NEMP2: variants seen among roughly 807,000 people sequenced by gnomAD.
The protein encoded by NEMP2 is nuclear envelope integral membrane protein 2.
Under a neutral mutation model 54.2 loss-of-function variants are expected in NEMP2, and 53 were observed. The ratio of observed to expected loss-of-function variants is 0.98; its 90% confidence interval spans 0.78 to 1.23. NEMP2 has a LOEUF of 1.23. Ranked by LOEUF, NEMP2 falls within the 50% of genes most tolerant of loss-of-function variation. The pLI is 0.00. For synonymous variants in NEMP2, 197 were observed against 190.3 expected (o/e 1.04, Z -0.29); for missense variants, 455 against 511.3 (o/e 0.89, Z 1.06).
the NEMP2 span, among the ~76,000 whole-genome samples, chr2:190,613,303 G>C: frequency 6.6e-6 from 1 of 152,090 alleles, no homozygotes; most frequent in Non-Finnish European, 1.5e-5. Flanking sequence ...AATTCAAGAT[G>C]TAGCTATCTT....
the NEMP2 span, among the ~76,000 whole-genome samples, chr2:190,478,768 T>A: frequency 9.9e-5 from 15 of 152,150 alleles, no homozygotes; most frequent in African/African-American, 3.6e-4. Flanking sequence ...ATTGGGCATC[T>A]TGACTCTGAA....
the NEMP2 span, among the ~76,000 whole-genome samples, chr2:190,457,435 T>C: frequency 1.3e-5 from 2 of 152,216 alleles, no homozygotes; most frequent in Admixed American, 1.3e-4. The surrounding 1 kb of genome is among the most constrained non-coding windows in gnomAD (Gnocchi z 5.1). Context: ...ACTCAGACTT[T>C]GCGTGTTTTT....
chr2:190,572,832 A>C, the NEMP2 span, among the ~76,000 whole-genome samples: 5 of 14,980 alleles, frequency 3.3e-4, no homozygotes, highest in Non-Finnish European at 6.6e-4. Context: ...TCTTTTCATG[A>C]GTATATATAT....
At chr2:190,557,472 G>A in the NEMP2 span, among the ~76,000 whole-genome samples, 107,311 of 152,040 alleles carry the variant, frequency 0.71, 39,079 homozygotes, top group Admixed American at 0.79. Flanking sequence ...AAAATTGAAA[G>A]TGGGATTAAT....
At chr2:190,630,788 GT>G in the NEMP2 span, among the ~76,000 whole-genome samples, 11 of 151,936 alleles carry the variant, frequency 7.2e-5, no homozygotes, top group African/African-American at 2.7e-4. This position sits in a 1 kb window ranked among gnomAD's most constrained non-coding sequence, Gnocchi z 5.5. Context: ...TTTTAATTCC[GT>G]TTTTTCATGA....
the NEMP2 span, among the ~76,000 whole-genome samples, chr2:190,442,383 G>A: frequency 6.6e-6 from 1 of 152,188 alleles, no homozygotes; most frequent in Non-Finnish European, 1.5e-5. Flanking sequence ...ATGGATGCTG[G>A]GATCAGTAAC....
chr2:190,524,607 C>T (rs1690867092), intron 2 of NEMP2, among the ~76,000 whole-genome samples: 1 of 152,154 alleles, frequency 6.6e-6, no homozygotes, highest in African/African-American at 2.4e-5. Context: ...GAGAACTACC[C>T]TGGCCAATTT....
chr2:190,633,424 T>C, the NEMP2 span, among the ~76,000 whole-genome samples: 1 of 151,506 alleles, frequency 6.6e-6, no homozygotes, highest in Non-Finnish European at 1.5e-5. Context: ...AGTGATTCTC[T>C]CGCCTCAGCC....
the NEMP2 span, among the ~76,000 whole-genome samples, chr2:190,429,348 T>C: frequency 4.0e-5 from 6 of 151,340 alleles, no homozygotes; most frequent in Admixed American, 6.6e-5. Flanking sequence ...TTTTTTGAGA[T>C]GGAGTCTCAC....
chr2:190,561,729 T>C, the NEMP2 span, among the ~76,000 whole-genome samples: 1 of 152,188 alleles, frequency 6.6e-6, no homozygotes, highest in African/African-American at 2.4e-5. This position sits in a 1 kb window ranked among gnomAD's most constrained non-coding sequence, Gnocchi z 5.4. Context: ...TGTCTATCTT[T>C]TTAAAAATCA....
the NEMP2 span, among the ~76,000 whole-genome samples, chr2:190,465,366 G>C: frequency 6.6e-6 from 1 of 152,016 alleles, no homozygotes; most frequent in Admixed American, 6.6e-5. This position sits in a 1 kb window ranked among gnomAD's most constrained non-coding sequence, Gnocchi z 4.6. Flanking sequence ...GGACAGTCAT[G>C]CTGTTTTTGA....
chr2:190,485,505 G>A, the NEMP2 span, among the ~76,000 whole-genome samples: 1 of 151,824 alleles, frequency 6.6e-6, no homozygotes, highest in Non-Finnish European at 1.5e-5. The surrounding 1 kb of genome is among the most constrained non-coding windows in gnomAD (Gnocchi z 5.1). Context: ...TTTATTTCTT[G>A]GAATATTTTT....
chr2:190,484,802 G>C, the NEMP2 span, among the ~76,000 whole-genome samples: 593 of 152,126 alleles, frequency 3.9e-3, 4 homozygotes, highest in African/African-American at 0.014. Context: ...TCACTTATAC[G>C]ATATCTTAAA....
chr2:190,568,256 A>G, the NEMP2 span, among the ~76,000 whole-genome samples: 1 of 152,212 alleles, frequency 6.6e-6, no homozygotes, highest in Non-Finnish European at 1.5e-5. This position sits in a 1 kb window ranked among gnomAD's most constrained non-coding sequence, Gnocchi z 4.7. Flanking sequence ...AGTGAGATTA[A>G]TACAGGACAC....
the NEMP2 span, chr2:190,609,761 T>A: frequency 6.6e-6 from 1 of 152,198 alleles, no homozygotes. The surrounding 1 kb of genome is among the most constrained non-coding windows in gnomAD (Gnocchi z 4.7). Flanking sequence ...CATAGGGATA[T>A]GGGGCATCAT....
chr2:190,608,177 G>C, the NEMP2 span: 1 of 152,148 alleles, frequency 6.6e-6, no homozygotes, highest in African/African-American at 2.4e-5. The surrounding 1 kb of genome is among the most constrained non-coding windows in gnomAD (Gnocchi z 4.9). Context: ...TAGCCATCTT[G>C]GCTATCAGAT....
intron 6 of NEMP2, among the ~76,000 whole-genome samples, chr2:190,515,549 T>C (rs188781455): frequency 6.6e-6 from 1 of 152,348 alleles, no homozygotes; most frequent in East Asian, 1.9e-4. Flanking sequence ...GAAAAGCCTC[T>C]TGTTTTTCAG....
At chr2:190,586,314 C>T in the NEMP2 span, among the ~76,000 whole-genome samples, 8 of 152,114 alleles carry the variant, frequency 5.3e-5, no homozygotes, top group African/African-American at 1.9e-4. The surrounding 1 kb of genome is among the most constrained non-coding windows in gnomAD (Gnocchi z 4.5). Context: ...TAAGTACCCC[C>T]GAAGTCAGTT....
chr2:190,545,186 A>G, the NEMP2 span, among the ~76,000 whole-genome samples: 5 of 152,194 alleles, frequency 3.3e-5, no homozygotes, highest in African/African-American at 7.2e-5. Flanking sequence ...CACTATAAAT[A>G]AAATTTCCCA....
Sources: gnomAD v4.1 joint callset for allele counts (sites outside exome capture counted in the v4.1 genomes callset) on GRCh38, gnomAD v4.1.1 for gene constraint, Gnocchi (gnomAD v3.1) non-coding constraint, MANE v1.5 for transcripts, NCBI Gene and HGNC (gene_info 2026-07-23, HGNC 2026-07-21) for gene names.